Variants in USP47 observed in about 807,000 individuals in gnomAD.
The protein encoded by USP47 is ubiquitin carboxyl-terminal hydrolase 47.
In USP47, 35 loss-of-function variants were observed where a neutral mutation model predicts 165.1. That is an observed-to-expected ratio of 0.21 (90% CI 0.16 to 0.28). The LOEUF is 0.28. Among genes scored for constraint, USP47 ranks in the 10% least tolerant of loss-of-function variants. USP47 has a pLI of 1.00. For synonymous variants in USP47, 531 were observed against 544.5 expected, an observed-to-expected ratio of 0.98 and a Z score of 0.35; for missense variants, 1,277 against 1,607.4, an observed-to-expected ratio of 0.79 and a Z score of 3.52.
At chr11:11,943,361 A>C (rs1192553575) in intron 20 of USP47, 1 of 283,722 alleles carries the variant, frequency 3.5e-6, no homozygotes. Flanking sequence ...AGGAATTATG[A>C]TATAATTACT....
chr11:11,903,212 T>C, intron 6 of USP47, 51 bp from the exon 7 acceptor site: 1 of 1,536,050 alleles, frequency 6.5e-7, no homozygotes, highest in Non-Finnish European at 8.9e-7. Flanking sequence ...ACAGATTGTT[T>C]CATTACATAA....
intron 1 of USP47, among the ~76,000 whole-genome samples, chr11:11,843,682 T>C (rs1233719791): frequency 6.6e-6 from 1 of 152,250 alleles, no homozygotes; most frequent in Non-Finnish European, 1.5e-5. Flanking sequence ...AAATATCATA[T>C]AGGTGGAACT....
At chr11:11,908,892 G>A (rs559341232) in intron 8 of USP47, among the ~76,000 whole-genome samples, 2 of 152,190 alleles carry the variant, frequency 1.3e-5, no homozygotes, top group African/African-American at 2.4e-5. Context: ...GATATTTTGG[G>A]GAAGGTGTCC....
chr11:11,862,447 T>C lies in USP47; in HGVS notation c.40-17730T>C, dbSNP rs534060231. Among the ~76,000 whole-genome samples, 8 of 152,250 alleles carry C rather than the reference T, an allele frequency of 5.3e-5. No individual in the cohort carries two copies. The South Asian group carries it at 1.7e-3, about 32-fold the overall frequency. ...TGTGGGTTTTTTCATGTTCTTGTTG[T>C]GTCTTTATGATTTTCTGAAGTATTA... On this transcript the variant is annotated intron_variant, in intron 1 of 27. Transcript: ENST00000527733.
chr11:11,855,851 G>T (rs1205889943), intron 1 of USP47, among the ~76,000 whole-genome samples: 1 of 152,136 alleles, frequency 6.6e-6, no homozygotes, highest in Non-Finnish European at 1.5e-5. Context: ...GAGATTCAAA[G>T]ATGAATAAGG....
chr11:11,922,103 A>G (rs1412228931), intron 10 of USP47, among the ~76,000 whole-genome samples: 1 of 151,874 alleles, frequency 6.6e-6, no homozygotes, highest in Admixed American at 6.6e-5. Flanking sequence ...TTAAAGGGGG[A>G]AAGGATTGTT....
rs750558730 is a variant in USP47, at chr11:11,956,173, T to G, written c.4066T>G (p.Ter1356GlyextTer2). 119 of 1,613,872 alleles carry G rather than the reference T, an allele frequency of 7.4e-5. No homozygotes were observed. The highest frequency in any genetic ancestry group is 9.6e-5 in the Non-Finnish European group (113 of 1,179,964). Residue 1356 changes from the stop codon to glycine (G), a stop_lost, in exon 28 of 28, where the codon TGA (stop) becomes GGA (glycine). Coordinates refer to ENST00000527733, the MANE Select transcript of USP47 (RefSeq NM_001282659.2). ...ACCAAATAAAGATCTGACTCAAGAC[T>G]GACTCTGATAGTGTAGCATTTTCCC... ...GAPNKDLTQD[*>G]
At chr11:11,885,424 C>G (rs1007233290) in intron 3 of USP47, among the ~76,000 whole-genome samples, 1 of 152,132 alleles carries the variant, frequency 6.6e-6, no homozygotes, top group African/African-American at 2.4e-5. Context: ...CCAGGAGAGA[C>G]ACAAAGCCAA....
At chr11:11,897,565 G>A (rs1851925572) in intron 4 of USP47, 32 bp from the exon 5 acceptor site, 1 of 1,446,326 alleles carries the variant, frequency 6.9e-7, no homozygotes, top group African/African-American at 1.4e-5. Context: ...TGTAAATGCT[G>A]ATTAATGTAC....
chr11:11,961,054 T>C lies in USP47; in HGVS notation c.*4879T>C, dbSNP rs1847431204. On this transcript the variant is annotated 3_prime_UTR_variant, in exon 28 of 28. Coordinates refer to ENST00000527733, the MANE Select transcript of USP47 (RefSeq NM_001282659.2). ...ATAACAGAAAAGCTAACACCAGCTT[T>C]ATCAATAATAATATCGGTGGTTTAC... Among the ~76,000 whole-genome samples, 1 of 152,192 alleles carries C rather than the reference T, an allele frequency of 6.6e-6. No homozygotes were observed. Among genetic ancestry groups the C allele is most frequent in the South Asian group, 2.1e-4 (1 of 4,826 alleles).
chr11:11,895,838 T>C (rs1451119271), intron 4 of USP47, among the ~76,000 whole-genome samples: 1 of 152,122 alleles, frequency 6.6e-6, no homozygotes, highest in South Asian at 2.1e-4. Flanking sequence ...TCTTTAGTGG[T>C]TGGTTCTGTT....
chr11:11,844,962 C>A (rs933630489), intron 1 of USP47, among the ~76,000 whole-genome samples: 2 of 152,062 alleles, frequency 1.3e-5, no homozygotes, highest in African/African-American at 4.8e-5. Flanking sequence ...CAGTTCACAG[C>A]CTGGTTTTGT....
At chr11:11,900,411 T>C (rs890127014) in intron 5 of USP47, among the ~76,000 whole-genome samples, 43 of 152,208 alleles carry the variant, frequency 2.8e-4, no homozygotes, top group Admixed American at 1.4e-3. Flanking sequence ...CCGCCCGCCT[T>C]GGCCTCCCAA....
Position 11,942,359 on chromosome 11 carries a change from T to C in USP47, c.2338T>C (p.Leu780=). 4 of 1,603,570 alleles carry C rather than the reference T, an allele frequency of 2.5e-6. No individual in the cohort carries two copies. Among genetic ancestry groups the C allele is most frequent in the South Asian group, 1.1e-5 (1 of 90,116 alleles). ...NKVFVESSET[L]DYQMAFADSH... ...GGTGTTTGTTGAAAGCTCCGAGACT[T>C]TGGATTACCAGATGGCCTTTGCAGA... is the stretch of plus-strand genomic sequence containing the variant. Residue 780 remains leucine, a synonymous_variant, in exon 20 of 28, where the codon TTG becomes CTG. Transcript: ENST00000527733.
At chr11:11,866,836 A>G (rs947526304) in intron 1 of USP47, among the ~76,000 whole-genome samples, 6 of 151,730 alleles carry the variant, frequency 4.0e-5, no homozygotes, top group Non-Finnish European at 7.4e-5. Context: ...GCATTAGTCT[A>G]GTTGTTTCTT....
chr11:11,949,238 T>TACTA (rs1298374540), intron 22 of USP47, among the ~76,000 whole-genome samples: 1 of 152,128 alleles, frequency 6.6e-6, no homozygotes, highest in Admixed American at 6.6e-5. Context: ...TCCTGTGGTA[T>TACTA]ACTAGCCTTA....
intron 10 of USP47, 130 bp downstream of exon 10, chr11:11,920,624 T>C (rs1457897275): frequency 6.5e-6 from 5 of 764,912 alleles, no homozygotes; most frequent in Non-Finnish European, 7.5e-6. Context: ...TTTTCTTTCT[T>C]ATTTTCTAAT....
In USP47 at chr11:11,942,521, G is replaced by C. The variant is rs768633782; in HGVS notation, c.2500G>C (p.Asp834His). Residue 834 changes from aspartate to histidine, a missense_variant, in exon 20 of 28, where the codon GAT becomes CAT. Transcript: ENST00000527733. ...TGGAGGCGATTCTGGTAATGTGGAT[G>C]ATGACTGTGAAAGAGTCAAAGGACC... is the stretch of plus-strand genomic sequence containing the variant. ...KAGGDSGNVD[D>H]DCERVKGPVG... 9 of 1,613,480 alleles carry C rather than the reference G, an allele frequency of 5.6e-6. No homozygotes were observed. The highest frequency in any genetic ancestry group is 6.8e-6 in the Non-Finnish European group (8 of 1,179,768).
intron 22 of USP47, chr11:11,948,805 A>C (rs1856024864): frequency 5.9e-6 from 2 of 337,518 alleles, no homozygotes; most frequent in African/African-American, 4.2e-5. Context: ...TTACAAAAGC[A>C]GGCAGCAGTG....
Sources: allele counts gnomAD v4.1 joint callset (sites outside exome capture counted in the v4.1 genomes callset), GRCh38; gene constraint gnomAD v4.1.1; transcripts MANE v1.5; gene names NCBI Gene and HGNC (gene_info 2026-07-23, HGNC 2026-07-21).